The following TAFA5 variants were observed in gnomAD, a reference collection of about 807,000 sequenced individuals.
TAFA5 encodes the protein TAFA chemokine like family member 5.
Under a neutral mutation model 15.3 loss-of-function variants are expected in TAFA5, and 6 were observed. The ratio of observed to expected loss-of-function variants is 0.39; its 90% CI spans 0.21 to 0.77. The LOEUF is 0.77. Among genes scored for constraint, TAFA5 ranks in the 30% least tolerant of loss-of-function variants. TAFA5 has a pLI of 0.41. For missense variants in TAFA5, 161 were observed against 193.1 expected (o/e 0.83, Z 0.98); for synonymous variants, 103 against 80.7 (o/e 1.28, Z -1.48).
chr22:48,572,383 A>G (rs560215818), intron 1 of TAFA5, among the ~76,000 whole-genome samples: 61 of 152,322 alleles, frequency 4.0e-4, no homozygotes, highest in African/African-American at 1.5e-3. Context: ...GCCACCCTGG[A>G]AGTGGGCATG....
intron 3 of TAFA5, among the ~76,000 whole-genome samples, chr22:48,720,174 C>T (rs1929527936): frequency 6.6e-6 from 1 of 152,116 alleles, no homozygotes; most frequent in African/African-American, 2.4e-5. Context: ...TGGGGATTTC[C>T]TGGTGCCCCC....
At chr22:48,650,046 G>A (rs1569063986) in intron 2 of TAFA5, among the ~76,000 whole-genome samples, 1 of 152,172 alleles carries the variant, frequency 6.6e-6, no homozygotes, top group Non-Finnish European at 1.5e-5. Context: ...TTTTTGCACA[G>A]TGGGCATTTT....
chr22:48,628,011 G>GGAGC (rs1184355785), intron 1 of TAFA5, among the ~76,000 whole-genome samples: 1 of 151,454 alleles, frequency 6.6e-6, no homozygotes, highest in Non-Finnish European at 1.5e-5. Flanking sequence ...AACCTTGCCC[G>GGAGC]GAGCGGAGGA....
rs905969644 is a variant in TAFA5 at position 48,550,155 on chromosome 22, C to T, written c.112+60451C>T. 2.0e-5 allele frequency among the ~76,000 whole-genome samples: 3 copies of T among 152,212 alleles called. No homozygotes were observed. The highest frequency in any genetic ancestry group is 2.1e-4 in the South Asian group (1 of 4,830). Reference sequence around the variant, plus strand: ...CATGGGTGTAGCAGCCTGTGTGTGTCCACCCGAGGTGGCCCTGCCCTGTTT... The same window carrying T: ...CATGGGTGTAGCAGCCTGTGTGTGTTCACCCGAGGTGGCCCTGCCCTGTTT... On this transcript the variant is annotated intron_variant, in intron 1 of 3. Transcript: ENST00000402357. The surrounding 1 kb of genome is among the most constrained non-coding windows in gnomAD (Gnocchi z 4.1).
At chr22:48,583,087 C>CCCACACACAAAATACACCACACG (rs1924148341) in intron 1 of TAFA5, among the ~76,000 whole-genome samples, 1 of 128,036 alleles carries the variant, frequency 7.8e-6, no homozygotes, top group Non-Finnish European at 1.7e-5. Flanking sequence ...CACCACACAC[C>CCCACACACAAAATACACCACACG]CCACACACAA....
chr22:48,582,180 C>G (rs1361473151), intron 1 of TAFA5, among the ~76,000 whole-genome samples: 1 of 151,958 alleles, frequency 6.6e-6, no homozygotes, highest in Non-Finnish European at 1.5e-5. Flanking sequence ...GCGGTGCCCC[C>G]CAACAGAGAC....
At chr22:48,574,528 A>G (rs570182140) in intron 1 of TAFA5, among the ~76,000 whole-genome samples, 1 of 152,164 alleles carries the variant, frequency 6.6e-6, no homozygotes, top group African/African-American at 2.4e-5. Context: ...AGAGCCCTTC[A>G]GGGCCAGGCC....
intron 3 of TAFA5, among the ~76,000 whole-genome samples, chr22:48,715,902 T>C (rs989300414): frequency 6.6e-6 from 1 of 152,254 alleles, no homozygotes; most frequent in East Asian, 1.9e-4. Flanking sequence ...AAGTCTTTAA[T>C]CCGTCTTGAG....
intron 1 of TAFA5, among the ~76,000 whole-genome samples, chr22:48,606,494 A>G (rs575992927): frequency 1.8e-4 from 28 of 152,378 alleles, no homozygotes; most frequent in Admixed American, 1.6e-3. Flanking sequence ...GACATCCAGA[A>G]AGCTGAAATA....
chr22:48,672,804 C>A (rs762899926), intron 2 of TAFA5, among the ~76,000 whole-genome samples: 3 of 152,188 alleles, frequency 2.0e-5, no homozygotes, highest in Non-Finnish European at 4.4e-5. Context: ...GTGATTATTT[C>A]TTTTCCTCCA....
At chr22:48,672,859 C>T (rs1927843798) in intron 2 of TAFA5, among the ~76,000 whole-genome samples, 1 of 152,164 alleles carries the variant, frequency 6.6e-6, no homozygotes, top group Non-Finnish European at 1.5e-5. Flanking sequence ...AATTATTCTC[C>T]ATTGGAAATA....
intron 1 of TAFA5, among the ~76,000 whole-genome samples, chr22:48,512,939 A>AT (rs1211822675): frequency 2.9e-5 from 3 of 104,118 alleles, no homozygotes; most frequent in African/African-American, 1.2e-4. Flanking sequence ...AAAAAAAAAA[A>AT]AAAAAGAGAG....
chr22:48,575,239 C>A (rs928688836), intron 1 of TAFA5, among the ~76,000 whole-genome samples: 4 of 152,132 alleles, frequency 2.6e-5, no homozygotes, highest in African/African-American at 7.2e-5. Flanking sequence ...GAGGCCCCTG[C>A]GCACCTAGGT....
At chr22:48,639,077 G>A (rs888142388) in intron 1 of TAFA5, among the ~76,000 whole-genome samples, 2 of 152,220 alleles carry the variant, frequency 1.3e-5, no homozygotes, top group African/African-American at 4.8e-5. Context: ...CCCCAGCTCA[G>A]AGATGGTGCC....
intron 3 of TAFA5, among the ~76,000 whole-genome samples, chr22:48,745,419 T>G (rs1056423184): frequency 1.5e-4 from 22 of 147,928 alleles, no homozygotes; most frequent in African/African-American, 2.8e-4. Flanking sequence ...GGCTTTGTCG[T>G]CGGCGGCTGG....
At chr22:48,664,166 A>G (rs4925430) in intron 2 of TAFA5, among the ~76,000 whole-genome samples, 69,845 of 152,116 alleles carry the variant, frequency 0.46, 16,394 homozygotes, top group South Asian at 0.61. Context: ...ATGAACAGAA[A>G]TGGATTTTGA....
intron 3 of TAFA5, among the ~76,000 whole-genome samples, chr22:48,718,018 C>T (rs1929453383): frequency 6.6e-6 from 1 of 152,240 alleles, no homozygotes; most frequent in Admixed American, 6.5e-5. Context: ...TGAGATAGAG[C>T]TGCCTTCACG....
intron 1 of TAFA5, among the ~76,000 whole-genome samples, chr22:48,597,096 C>T (rs1924792016): frequency 6.6e-6 from 1 of 152,234 alleles, no homozygotes; most frequent in South Asian, 2.1e-4. Flanking sequence ...TGTGAGTCAC[C>T]ACAGCCGGCC....
intron 1 of TAFA5, among the ~76,000 whole-genome samples, chr22:48,634,546 C>T (rs1926374745): frequency 6.6e-6 from 1 of 152,126 alleles, no homozygotes; most frequent in South Asian, 2.1e-4. Flanking sequence ...TTCAATCATT[C>T]ACTCAGTCAT....
Sources: gnomAD v4.1 joint callset for allele counts (sites outside exome capture counted in the v4.1 genomes callset) on GRCh38, gnomAD v4.1.1 for gene constraint, Gnocchi (gnomAD v3.1) non-coding constraint, MANE v1.5 for transcripts, NCBI Gene and HGNC (gene_info 2026-07-23, HGNC 2026-07-21) for gene names.